ERC2: variants seen among roughly 807,000 people sequenced by gnomAD.
The protein encoded by ERC2 is ELKS/RAB6-interacting/CAST family member 2.
In ERC2, 42 loss-of-function variants were observed where a neutral mutation model predicts 114.8. That is an observed-to-expected ratio of 0.37 (90% CI 0.29 to 0.47). ERC2 has a LOEUF of 0.47. Ranked by LOEUF, ERC2 falls within the 20% of genes least tolerant of loss-of-function variation. The pLI, the probability that ERC2 is intolerant of heterozygous loss-of-function variation, is 0.99. For synonymous variants in ERC2, 454 were observed against 425.5 expected (o/e 1.07, Z -0.82); for missense variants, 939 against 1,150.7 (o/e 0.82, Z 2.66).
intron 3 of ERC2, among the ~76,000 whole-genome samples, chr3:56,201,080 G>T (rs2048376893): frequency 6.6e-6 from 1 of 152,088 alleles, no homozygotes; most frequent in African/African-American, 2.4e-5. Flanking sequence ...TCATCTTGCT[G>T]TCTCATCCCA....
intron 13 of ERC2, among the ~76,000 whole-genome samples, chr3:55,944,814 T>C (rs1271532359): frequency 3.3e-5 from 5 of 152,126 alleles, no homozygotes; most frequent in Admixed American, 2.0e-4. Flanking sequence ...GAAAAACAAA[T>C]GTCAAAATAA....
chr3:56,195,297 G>T (rs2048028527), intron 3 of ERC2, among the ~76,000 whole-genome samples: 1 of 152,144 alleles, frequency 6.6e-6, no homozygotes, highest in South Asian at 2.1e-4. Context: ...GGACAAAGCA[G>T]AACAGCGTGA....
At chr3:55,783,666 T>C (rs1575589285) in intron 14 of ERC2, among the ~76,000 whole-genome samples, 2 of 152,278 alleles carry the variant, frequency 1.3e-5, no homozygotes, top group East Asian at 3.9e-4. Context: ...GCCTATCATT[T>C]GGGCTTACTG....
chr3:55,689,813 A>G (rs2062545281), intron 16 of ERC2, among the ~76,000 whole-genome samples: 2 of 152,022 alleles, frequency 1.3e-5, no homozygotes, highest in South Asian at 4.1e-4. Context: ...AAAAAAAGAA[A>G]AAAAAAAGAA....
At chr3:55,641,549 C>CAAAAAAAAA (rs57407975) in intron 17 of ERC2, among the ~76,000 whole-genome samples, 9 of 28,346 alleles carry the variant, frequency 3.2e-4, no homozygotes, top group African/African-American at 1.3e-3. Context: ...GATTCTATCT[C>CAAAAAAAAA]AAAAAAAAAA....
At chr3:56,131,926 T>C (rs2080225442) in intron 6 of ERC2, among the ~76,000 whole-genome samples, 1 of 152,220 alleles carries the variant, frequency 6.6e-6, no homozygotes. Context: ...ATTGTTGACA[T>C]GTATCAAAAT....
chr3:56,010,197 T>TAAAGA (rs891382641), intron 9 of ERC2, among the ~76,000 whole-genome samples: 1 of 151,592 alleles, frequency 6.6e-6, no homozygotes. Flanking sequence ...TGGTAAGACA[T>TAAAGA]AAAGAAAAGT....
intron 3 of ERC2, among the ~76,000 whole-genome samples, chr3:56,229,623 G>A (rs1486251427): frequency 6.6e-6 from 1 of 152,080 alleles, no homozygotes; most frequent in Non-Finnish European, 1.5e-5. Context: ...AGATAATGAG[G>A]CAGTCCTTGC....
intron 6 of ERC2, among the ~76,000 whole-genome samples, chr3:56,132,204 G>T (rs1368688014): frequency 6.6e-6 from 1 of 152,148 alleles, no homozygotes; most frequent in Non-Finnish European, 1.5e-5. Flanking sequence ...TACCTTTAAT[G>T]CCCAAGAGTT....
At chr3:55,991,565 T>C (rs539793852) in intron 11 of ERC2, among the ~76,000 whole-genome samples, 162 of 152,348 alleles carry the variant, frequency 1.1e-3, no homozygotes, top group African/African-American at 3.7e-3. Flanking sequence ...ACCTCCAGGA[T>C]GAATTTGTCA....
chr3:55,781,858 G>T (rs2069083602), intron 14 of ERC2, among the ~76,000 whole-genome samples: 1 of 134,400 alleles, frequency 7.4e-6, no homozygotes, highest in South Asian at 2.6e-4. Flanking sequence ...GGCAACAAGA[G>T]CAAAACTCAG....
chr3:55,819,229 T>C (rs2060022481), intron 14 of ERC2, among the ~76,000 whole-genome samples: 1 of 152,230 alleles, frequency 6.6e-6, no homozygotes, highest in African/African-American at 2.4e-5. Flanking sequence ...CAGTCCAATA[T>C]GGGTCACCGC....
intron 4 of ERC2, among the ~76,000 whole-genome samples, chr3:56,154,006 C>T (rs552561072): frequency 2.0e-5 from 3 of 152,204 alleles, no homozygotes; most frequent in African/African-American, 7.2e-5. Context: ...TTATATTACA[C>T]TTTATTTAGA....
At chr3:56,059,563 C>T (rs1576752762) in intron 7 of ERC2, among the ~76,000 whole-genome samples, 1 of 152,146 alleles carries the variant, frequency 6.6e-6, no homozygotes, top group African/African-American at 2.4e-5. Context: ...CTCAAAGATT[C>T]TTATTTTAAT....
intron 15 of ERC2, among the ~76,000 whole-genome samples, chr3:55,714,693 A>ATG (rs1559539200): frequency 8.1e-6 from 1 of 123,600 alleles, no homozygotes; most frequent in African/African-American, 3.3e-5. Context: ...ATATATATAT[A>ATG]TATATATATA....
intron 14 of ERC2, among the ~76,000 whole-genome samples, chr3:55,885,965 G>A (rs940006051): frequency 6.6e-6 from 1 of 152,152 alleles, no homozygotes; most frequent in East Asian, 1.9e-4. Context: ...ACCATTACTT[G>A]TTCTCTCAAA....
intron 3 of ERC2, among the ~76,000 whole-genome samples, chr3:56,238,635 C>T (rs2051123755): frequency 6.6e-6 from 1 of 152,204 alleles, no homozygotes; most frequent in South Asian, 2.1e-4. Context: ...AGAAGGCAGG[C>T]ATAGCTTAAT....
chr3:55,761,116 CA>C (rs1242711670), intron 14 of ERC2, among the ~76,000 whole-genome samples: 1 of 152,162 alleles, frequency 6.6e-6, no homozygotes, highest in Non-Finnish European at 1.5e-5. Flanking sequence ...ACTGATAATA[CA>C]AACGAAAGGA....
intron 3 of ERC2, among the ~76,000 whole-genome samples, chr3:56,256,671 G>A (rs2052536762): frequency 6.6e-6 from 1 of 152,134 alleles, no homozygotes; most frequent in Non-Finnish European, 1.5e-5. Flanking sequence ...TCGAGGGAGG[G>A]ACCTGTAATC....
Sources: gnomAD v4.1 joint callset for allele counts (sites outside exome capture counted in the v4.1 genomes callset) on GRCh38, gnomAD v4.1.1 for gene constraint, MANE v1.5 for transcripts, NCBI Gene and HGNC (gene_info 2026-07-23, HGNC 2026-07-21) for gene names.